UNC13B: variants seen among roughly 807,000 people sequenced by gnomAD.
UNC13B encodes protein unc-13 homolog B.
A neutral mutation model predicts 211.0 loss-of-function variants in UNC13B; 144 were observed. The observed-to-expected ratio is 0.68, with a 90% CI of 0.60 to 0.78. UNC13B has a LOEUF of 0.78. Among genes scored for constraint, UNC13B ranks in the 30% least tolerant of loss-of-function variants. The pLI is 0.00. For missense variants in UNC13B, 1,777 were observed against 2,002.0 expected, an observed-to-expected ratio of 0.89 and a Z score of 2.14; for synonymous variants, 709 against 725.8, an observed-to-expected ratio of 0.98 and a Z score of 0.37.
At chr9:35,202,176 A>G (rs1823342180) in intron 1 of UNC13B, among the ~76,000 whole-genome samples, 1 of 152,106 alleles carries the variant, frequency 6.6e-6, no homozygotes, top group South Asian at 2.1e-4. Flanking sequence ...CCTGAGTTCT[A>G]GTTTGATTGC....
intron 31 of UNC13B, 21 bp downstream of exon 31, chr9:35,398,309 G>A: frequency 6.2e-7 from 1 of 1,609,512 alleles, no homozygotes; most frequent in Non-Finnish European, 8.5e-7. Flanking sequence ...GGGTTTGGGA[G>A]TCACTGTATT....
intron 4 of UNC13B, 124 bp downstream of exon 4, chr9:35,236,710 G>C: frequency 1.1e-6 from 1 of 886,332 alleles, no homozygotes; most frequent in South Asian, 1.6e-5. Context: ...TCTAATTAGA[G>C]GGCATGCAAC....
chr9:35,288,333 T>C (rs1441189537), intron 7 of UNC13B, among the ~76,000 whole-genome samples: 1 of 152,234 alleles, frequency 6.6e-6, no homozygotes, highest in Non-Finnish European at 1.5e-5. Flanking sequence ...TTCCAAATCC[T>C]TAATATTACT....
At chr9:35,190,843 T>C (rs1822618084) in intron 1 of UNC13B, among the ~76,000 whole-genome samples, 1 of 152,246 alleles carries the variant, frequency 6.6e-6, no homozygotes, top group Non-Finnish European at 1.5e-5. Context: ...TACTAAACTT[T>C]AGCCACACCA....
chr9:35,386,031 A>G, intron 23 of UNC13B, 134 bp from the exon 24 acceptor site: 2 of 1,476,170 alleles, frequency 1.4e-6, no homozygotes, highest in Non-Finnish European at 1.8e-6. Flanking sequence ...TATCCTGGCA[A>G]TTTCATCACA....
intron 11 of UNC13B, among the ~76,000 whole-genome samples, chr9:35,357,653 C>G (rs1198771967): frequency 2.0e-5 from 3 of 150,242 alleles, no homozygotes; most frequent in Admixed American, 1.3e-4. Context: ...TTTGGGAGAC[C>G]GAGGCGAGAG....
rs1415289597 is a variant in UNC13B at position 35,358,750 on chromosome 9, G to A, written c.9415-8197G>A. ...GCTCTGTTGCCCAGGCTGGAGTGCAGTGGCGTGATTTCGGCTCACAGCAAC... is the reference window on the plus strand; with the variant it reads ...GCTCTGTTGCCCAGGCTGGAGTGCAATGGCGTGATTTCGGCTCACAGCAAC... On this transcript the variant is annotated intron_variant, in intron 11 of 39. Transcript: ENST00000635942. Among the ~76,000 whole-genome samples the A allele has an allele frequency of 2.7e-5, 4 of 145,990 alleles. 1 individual carries two copies.
At chr9:35,232,176 G>GTTTTTTTTTTTTTTT (rs1564081816) in intron 3 of UNC13B, among the ~76,000 whole-genome samples, 1 of 16,978 alleles carries the variant, frequency 5.9e-5, no homozygotes, top group African/African-American at 2.2e-4. Flanking sequence ...GTATATTGCT[G>GTTTTTTTTTTTTTTT]CTTTTTTTTT....
intron 6 of UNC13B, among the ~76,000 whole-genome samples, chr9:35,246,519 A>G (rs938915099): frequency 2.0e-5 from 3 of 152,130 alleles, no homozygotes; most frequent in Non-Finnish European, 4.4e-5. Flanking sequence ...TCTTGAATTA[A>G]TTTTTGTATA....
At chr9:35,231,249 C>A (rs1371128943) in intron 3 of UNC13B, 30 bp downstream of exon 3, 2 of 1,394,680 alleles carry the variant, frequency 1.4e-6, no homozygotes, top group African/African-American at 1.4e-5. Flanking sequence ...AGTGTGCCTA[C>A]ATATTTTATA....
chr9:35,320,113 C>G (rs191928536), intron 11 of UNC13B, among the ~76,000 whole-genome samples: 43 of 152,240 alleles, frequency 2.8e-4, no homozygotes, highest in Non-Finnish European at 5.1e-4. Context: ...TGCATATGTA[C>G]CACATTTTCT....
At chr9:35,361,490 CTTCT>C (rs1266924357) in intron 11 of UNC13B, 1 of 152,178 alleles carries the variant, frequency 6.6e-6, no homozygotes, top group Admixed American at 6.6e-5. Context: ...GCAAGAGACA[CTTCT>C]TAGAATAGCT....
intron 7 of UNC13B, among the ~76,000 whole-genome samples, chr9:35,292,195 C>T (rs985018559): frequency 3.9e-5 from 6 of 152,138 alleles, no homozygotes; most frequent in Non-Finnish European, 7.4e-5. Flanking sequence ...ATCCAAGACT[C>T]AATCCAGGAA....
rs949636956 is a variant in UNC13B at position 35,302,940 on chromosome 9, C to T, written c.3536C>T (p.Thr1179Ile). 1.8e-5 allele frequency: 7 copies of T among 398,526 alleles called. No homozygotes were observed. Among genetic ancestry groups the T allele is most frequent in the African/African-American group, 1.4e-4 (7 of 48,574 alleles). The allele number at this position is 398,526 out of a possible 1,614,324, so 24.7% of individuals were successfully genotyped here. ...KNDDSHHKNN[T>I]PGLISGIFNL... ...GATGACTCCCATCACAAGAATAATACCCCAGGTTTAATCTCTGGAATATTT... is the reference window on the plus strand; with the variant it reads ...GATGACTCCCATCACAAGAATAATATCCCAGGTTTAATCTCTGGAATATTT... Residue 1179 changes from threonine (T) to isoleucine (I), a missense_variant, in exon 9 of 40, where the codon ACC becomes ATC. Coordinates refer to ENST00000635942, the MANE Select transcript of UNC13B (RefSeq NM_001371189.2).
chr9:35,162,021 T>C lies in UNC13B; in HGVS notation c.-263T>C. On this transcript the variant is annotated 5_prime_UTR_variant, in exon 1 of 40. Coordinates refer to ENST00000635942, the MANE Select transcript of UNC13B (RefSeq NM_001371189.2). ...AATGACGGGAGGGAGTCCCGGCAGCTCCTACCTCCCAGCGATGGCGTCGCT... is the reference window on the plus strand; with the variant it reads ...AATGACGGGAGGGAGTCCCGGCAGCCCCTACCTCCCAGCGATGGCGTCGCT... The C allele has an allele frequency of 3.7e-6, 2 of 541,722 alleles. No individual in the cohort carries two copies. The highest frequency in any genetic ancestry group is 6.4e-6 in the Non-Finnish European group (2 of 310,334). 33.6% of individuals were successfully genotyped at this position (541,722 alleles called of 1,614,324 possible).
At chr9:35,367,135 C>A in intron 12 of UNC13B, 142 bp downstream of exon 12, 2 of 780,112 alleles carry the variant, frequency 2.6e-6, no homozygotes, top group Non-Finnish European at 2.1e-6. Flanking sequence ...TTGGTTGGTT[C>A]TCTGAGGCAG....
chr9:35,300,788 C>T lies in UNC13B; in HGVS notation c.1384C>T (p.Leu462Phe), dbSNP rs1197531735. The change falls in exon 9 of 40, where the codon CTT becomes TTT. Residue 462 changes from leucine to phenylalanine, a missense_variant. By Grantham distance (22) the Leu-to-Phe change is conservative. Transcript: ENST00000635942. ...KEDRIDTMDELQCLVETVSEY... is the reference protein window; with the variant it reads ...KEDRIDTMDEFQCLVETVSEY... ...GGACCGTATTGATACAATGGATGAGCTTCAGTGTTTGGTAGAAACGGTGTC... is the reference window on the plus strand; with the variant it reads ...GGACCGTATTGATACAATGGATGAGTTTCAGTGTTTGGTAGAAACGGTGTC... 1 of 398,756 alleles carries T rather than the reference C, an allele frequency of 2.5e-6. No individual in the cohort carries two copies. Among genetic ancestry groups the T allele is most frequent in the East Asian group, 3.6e-5 (1 of 28,078 alleles). 24.7% of individuals were successfully genotyped at this position (398,756 alleles called of 1,614,324 possible). A position where few individuals can be genotyped will look rare whatever the true frequency, so the allele number is the denominator to read the frequency against.
chr9:35,263,842 T>C (rs1827416315), intron 7 of UNC13B, among the ~76,000 whole-genome samples: 1 of 152,062 alleles, frequency 6.6e-6, no homozygotes, highest in Non-Finnish European at 1.5e-5. Flanking sequence ...AGTAAGAAGG[T>C]AGCCATCTGT....
At chr9:35,225,738 A>G (rs1214910609) in intron 1 of UNC13B, among the ~76,000 whole-genome samples, 1 of 152,160 alleles carries the variant, frequency 6.6e-6, no homozygotes, top group Non-Finnish European at 1.5e-5. Context: ...CTGATATGCC[A>G]GATGGGCTGG....
Sources: allele counts gnomAD v4.1 joint callset (sites outside exome capture counted in the v4.1 genomes callset), GRCh38; gene constraint gnomAD v4.1.1; transcripts MANE v1.5; gene names NCBI Gene and HGNC (gene_info 2026-07-23, HGNC 2026-07-21).